Variants in ERICH6B observed in about 807,000 individuals in gnomAD.
ERICH6B encodes the protein glutamate-rich protein 6B.
In ERICH6B, 69 loss-of-function variants were observed where a neutral mutation model predicts 80.0. That is an observed-to-expected ratio of 0.86 (90% confidence interval 0.71 to 1.05). The LOEUF (loss-of-function observed/expected upper bound fraction) is 1.05. Ranked by LOEUF, ERICH6B falls within the 50% of genes least tolerant of loss-of-function variation. The pLI, the probability that ERICH6B is intolerant of heterozygous loss-of-function variation, is 0.00. For synonymous variants in ERICH6B, 283 were observed against 291.9 expected, an observed-to-expected ratio of 0.97 and a Z score of 0.31; for missense variants, 754 against 796.1, an observed-to-expected ratio of 0.95 and a Z score of 0.64.
At chr13:45,588,591 G>A (rs527404382) in intron 4 of ERICH6B, among the ~76,000 whole-genome samples, 1 of 152,318 alleles carries the variant, frequency 6.6e-6, no homozygotes, top group East Asian at 1.9e-4. Flanking sequence ...TGCCCACTGG[G>A]ACCCACAGAG....
At chr13:45,599,325 G>A (rs1310647195) in intron 2 of ERICH6B, among the ~76,000 whole-genome samples, 3 of 152,202 alleles carry the variant, frequency 2.0e-5, no homozygotes, top group African/African-American at 7.2e-5. Context: ...GGGGGAGCCT[G>A]TGCGTGGAGA....
intron 8 of ERICH6B, among the ~76,000 whole-genome samples, chr13:45,570,924 A>ACTGCAGCTGCAGGTTCCGTGTGGCATTCG (rs1234952357): frequency 4.4e-4 from 61 of 138,166 alleles, no homozygotes; most frequent in African/African-American, 9.6e-4. Flanking sequence ...TGTGGCATTC[A>ACTGCAGCTGCAGGTTCCGTGTGGCATTCG]CTCCACTGCA....
chr13:45,565,819 T>C (rs1478636579), intron 9 of ERICH6B, among the ~76,000 whole-genome samples: 1 of 152,100 alleles, frequency 6.6e-6, no homozygotes, highest in East Asian at 1.9e-4. Flanking sequence ...TTTGTACCAG[T>C]AGAGTGGGGT....
chr13:45,588,138 G>C (rs753661380), intron 4 of ERICH6B, among the ~76,000 whole-genome samples: 7 of 152,182 alleles, frequency 4.6e-5, no homozygotes, highest in Non-Finnish European at 8.8e-5. Context: ...TCAGTGTAGG[G>C]GCAGCGCATG....
At chr13:45,572,329 C>T (rs187440450) in intron 8 of ERICH6B, among the ~76,000 whole-genome samples, 104 of 152,288 alleles carry the variant, frequency 6.8e-4, no homozygotes, top group Non-Finnish European at 1.4e-3. Flanking sequence ...ACTAATCTTC[C>T]TGCCCTCAGC....
intron 8 of ERICH6B, 32 bp from the exon 9 acceptor site, chr13:45,568,483 A>G: frequency 6.9e-7 from 1 of 1,459,532 alleles, no homozygotes; most frequent in South Asian, 1.5e-5. Flanking sequence ...AAATATTCAG[A>G]AAATGGAAAT....
intron 8 of ERICH6B, among the ~76,000 whole-genome samples, chr13:45,571,776 G>A (rs1192708035): frequency 1.3e-5 from 2 of 152,190 alleles, no homozygotes; most frequent in East Asian, 1.9e-4. Context: ...TATGACTGGT[G>A]TCTTTACAGC....
intron 11 of ERICH6B, among the ~76,000 whole-genome samples, chr13:45,550,824 C>T (rs78635948): frequency 1.3e-5 from 2 of 152,258 alleles, no homozygotes; most frequent in South Asian, 4.1e-4. Context: ...TGTATCTTCA[C>T]GTGGCCATCC....
chr13:45,601,352 G>A (rs1449829818), intron 2 of ERICH6B, among the ~76,000 whole-genome samples: 1 of 152,192 alleles, frequency 6.6e-6, no homozygotes, highest in African/African-American at 2.4e-5. Context: ...AGGAGTTCAA[G>A]ACGAGCCTTG....
At chr13:45,571,369 C>T (rs550420712) in intron 8 of ERICH6B, among the ~76,000 whole-genome samples, 9 of 152,096 alleles carry the variant, frequency 5.9e-5, no homozygotes, top group African/African-American at 1.4e-4. Flanking sequence ...TTCCCTCCAA[C>T]CATTTTTTTT....
chr13:45,550,140 C>G (rs1004611202), intron 12 of ERICH6B, 91 bp downstream of exon 12: 6 of 1,533,052 alleles, frequency 3.9e-6, no homozygotes, highest in Non-Finnish European at 8.8e-7. Context: ...AAACCCCACA[C>G]CTCAGTCAAA....
Position 45,550,052 on chromosome 13 carries a change from G to C in ERICH6B, c.1494-7C>G, listed in dbSNP as rs532671376. On this transcript the variant is annotated splice_region_variant and splice_polypyrimidine_tract_variant and intron_variant, in intron 12 of 14. Transcript: ENST00000298738. ...CAGGTTTCCTGATGGATAACTGGGA[G>C]AAGGTTAAGGCACAAGTAGTCAGTC... is the stretch of plus-strand genomic sequence containing the variant. 1.3e-5 allele frequency: 20 copies of C among 1,551,414 alleles called. No homozygotes were observed. The African/African-American group carries it at 2.6e-4, about 20-fold the overall frequency.
intron 13 of ERICH6B, among the ~76,000 whole-genome samples, chr13:45,548,669 A>C (rs1007461463): frequency 6.6e-6 from 1 of 151,854 alleles, no homozygotes; most frequent in Non-Finnish European, 1.5e-5. Context: ...TGAGAGGGGG[A>C]GCTCTTCCCT....
intron 8 of ERICH6B, among the ~76,000 whole-genome samples, chr13:45,572,814 G>A (rs1323875586): frequency 6.6e-6 from 1 of 152,166 alleles, no homozygotes; most frequent in African/African-American, 2.4e-5. Context: ...AACACCAACT[G>A]GCCAGTCACA....
chr13:45,606,536 TATATATATATA>T (rs1448396556), intron 2 of ERICH6B, among the ~76,000 whole-genome samples: 1 of 16,822 alleles, frequency 5.9e-5, no homozygotes, highest in Non-Finnish European at 1.7e-4. Flanking sequence ...TATATATATA[TATATATATATA>T]TTTTTTTTTT....
At chr13:45,600,474 T>A (rs1230628505) in intron 2 of ERICH6B, among the ~76,000 whole-genome samples, 1 of 152,246 alleles carries the variant, frequency 6.6e-6, no homozygotes, top group Non-Finnish European at 1.5e-5. Flanking sequence ...GCATACATTG[T>A]ACTCATTAAG....
chr13:45,550,817 A>G (rs1593773970), intron 11 of ERICH6B, among the ~76,000 whole-genome samples: 3 of 152,076 alleles, frequency 2.0e-5, no homozygotes, highest in Non-Finnish European at 4.4e-5. Flanking sequence ...TGCTCTCTGT[A>G]TCTTCACGTG....
Position 45,607,910 on chromosome 13 carries a change from C to G in ERICH6B, c.-110-295G>C, listed in dbSNP as rs182992396. Reference sequence around the variant, plus strand: ...CTCCCTGGGCACTGCAGAGAACTCACAGGGACGCCACAGTATAGTTTAAAT... The same window carrying G: ...CTCCCTGGGCACTGCAGAGAACTCAGAGGGACGCCACAGTATAGTTTAAAT... On this transcript the variant is annotated intron_variant, in intron 1 of 14. Transcript: ENST00000298738. Among the ~76,000 whole-genome samples, 5 of 152,290 alleles carry G rather than the reference C, an allele frequency of 3.3e-5. No homozygotes were observed. The East Asian group carries it at 7.7e-4, about 23-fold the overall frequency.
At chr13:45,607,735 T>C (rs1482147357) in intron 1 of ERICH6B, 120 bp from the exon 2 acceptor site, 1 of 152,234 alleles carries the variant, frequency 6.6e-6, no homozygotes, top group African/African-American at 2.4e-5. Flanking sequence ...TTTAGTTTTG[T>C]GGTATGTTTC....
Sources: allele counts gnomAD v4.1 joint callset (sites outside exome capture counted in the v4.1 genomes callset), GRCh38; gene constraint gnomAD v4.1.1; transcripts MANE v1.5; gene names NCBI Gene and HGNC (gene_info 2026-07-23, HGNC 2026-07-21).